WDHD1: variants seen among roughly 807,000 people sequenced by gnomAD.
WDHD1 encodes the protein WD repeat and HMG-box DNA binding protein 1.
In WDHD1, 111 loss-of-function variants were observed where a neutral mutation model predicts 135.4. That is an observed-to-expected ratio of 0.82 (90% CI 0.70 to 0.96). WDHD1 has a LOEUF of 0.96. Among genes scored for constraint, WDHD1 ranks in the 40% least tolerant of loss-of-function variants. The probability of loss-of-function intolerance (pLI) is 0.00; values close to 1 mark genes in which losing one functional copy is unlikely to be tolerated. For synonymous variants in WDHD1, 434 were observed against 439.0 expected (o/e 0.99, Z 0.14); for missense variants, 1,351 against 1,336.3 (o/e 1.01, Z -0.17).
intron 24 of WDHD1, among the ~76,000 whole-genome samples, chr14:54,953,910 A>T (rs2041106632): frequency 6.6e-6 from 1 of 152,136 alleles, no homozygotes; most frequent in Admixed American, 6.6e-5. Context: ...CTCATAGGTG[A>T]GAACTGAACA....
chr14:54,963,367 GT>G (rs1200248011), intron 18 of WDHD1, among the ~76,000 whole-genome samples, 195 bp from the exon 19 acceptor site: 1 of 151,838 alleles, frequency 6.6e-6, no homozygotes, highest in African/African-American at 2.4e-5. Context: ...TGGTGGGTCA[GT>G]TTGGCAGCAT....
In WDHD1 at chr14:55,013,495, C is replaced by G; in HGVS notation, c.179G>C (p.Cys60Ser). ...FINVGEKAYS[C>S]ALKSGKLVTA... ...AACTGTTTTTACTACCTTCAAAGCACATGAATATGCCTTTTCTCCAACATT... is the reference window on the plus strand; with the variant it reads ...AACTGTTTTTACTACCTTCAAAGCAGATGAATATGCCTTTTCTCCAACATT... The change falls in exon 3 of 26, where the codon TGT (cysteine) becomes TCT (serine). Residue 60 changes from cysteine to serine, a missense_variant. Transcript: ENST00000360586. 6.2e-7 allele frequency: 1 copy of G among 1,612,384 alleles called. No individual in the cohort carries two copies. The highest frequency in any genetic ancestry group is 8.5e-7 in the Non-Finnish European group (1 of 1,178,538).
At chr14:54,974,831 A>C (rs1399301074) in intron 16 of WDHD1, among the ~76,000 whole-genome samples, 3 of 152,216 alleles carry the variant, frequency 2.0e-5, no homozygotes, top group Non-Finnish European at 2.9e-5. Context: ...TCTCGAAAAA[A>C]TAAATAAAAA....
chr14:54,943,790 C>T (rs12100725), intron 25 of WDHD1, among the ~76,000 whole-genome samples: 5 of 151,608 alleles, frequency 3.3e-5, no homozygotes, highest in East Asian at 1.9e-4. Context: ...AACAGTAAAC[C>T]GTCAAAAAAT....
At chr14:55,014,603 A>G (rs1365953780) in intron 2 of WDHD1, among the ~76,000 whole-genome samples, 1 of 152,228 alleles carries the variant, frequency 6.6e-6, no homozygotes, top group Non-Finnish European at 1.5e-5. Flanking sequence ...TGTATCTATC[A>G]TAACTTGTTT....
intron 16 of WDHD1, among the ~76,000 whole-genome samples, chr14:54,974,655 G>C (rs1012864987): frequency 7.2e-5 from 11 of 151,902 alleles, no homozygotes; most frequent in Admixed American, 6.6e-4. Flanking sequence ...GCGAAACACT[G>C]TCTCTACTAA....
At chr14:54,988,933 A>C in intron 13 of WDHD1, 95 bp downstream of exon 13, 2 of 1,162,816 alleles carry the variant, frequency 1.7e-6, no homozygotes, top group Admixed American at 4.8e-5. Flanking sequence ...ATTACAAAAA[A>C]TAAATTTTGT....
intron 7 of WDHD1, chr14:55,005,743 C>T (rs1028479127): frequency 3.7e-5 from 16 of 429,370 alleles, no homozygotes; most frequent in South Asian, 3.4e-4. Context: ...CATAAGGATC[C>T]TTCTCTGGGT....
chr14:54,944,660 C>T, intron 24 of WDHD1, 190 bp from the exon 25 acceptor site: 1 of 439,296 alleles, frequency 2.3e-6, no homozygotes, highest in African/African-American at 2.2e-5. Flanking sequence ...CACTCTGTCA[C>T]CCAGCCTGGA....
intron 2 of WDHD1, among the ~76,000 whole-genome samples, chr14:55,023,912 T>C (rs1220859962): frequency 6.6e-6 from 1 of 152,252 alleles, no homozygotes; most frequent in Non-Finnish European, 1.5e-5. Context: ...TTTGAGTGTG[T>C]AAATTTTAGT....
chr14:54,966,455 A>G lies in WDHD1; in HGVS notation c.2310+20T>C, dbSNP rs753280783. Reference sequence around the variant, plus strand: ...AAAAGCATTTAACTTTAACGTTTTCAGTATATTTATTTTACTCACCGCAAG... The same window carrying G: ...AAAAGCATTTAACTTTAACGTTTTCGGTATATTTATTTTACTCACCGCAAG... On this transcript the variant is annotated intron_variant, in intron 18 of 25. Transcript: ENST00000360586. The G allele has an allele frequency of 1.9e-6, 3 of 1,585,116 alleles. No individual in the cohort carries two copies. Among genetic ancestry groups the G allele is most frequent in the Non-Finnish European group, 1.7e-6 (2 of 1,172,376 alleles).
At chr14:54,971,997 G>C (rs2041442137) in intron 16 of WDHD1, among the ~76,000 whole-genome samples, 1 of 152,100 alleles carries the variant, frequency 6.6e-6, no homozygotes. Flanking sequence ...GACCAGCCTG[G>C]GCAACATGGC....
In WDHD1 at chr14:55,005,531, C is replaced by G. The variant is rs1251348409; in HGVS notation, c.600+1749G>C. On this transcript the variant is annotated intron_variant, in intron 7 of 25. Transcript: ENST00000360586. The stretch of plus-strand genomic sequence containing the variant: ...TCCCAGGAGAAGCTTCTCCCAGGTC[C>G]TCTTCAGATTTATGATGTAGATGCC... 2.1e-5 allele frequency: 12 copies of G among 579,278 alleles called. No individual in the cohort carries two copies. The East Asian group carries it at 5.0e-4, about 24-fold the overall frequency. The allele number at this position is 579,278 out of a possible 1,614,324, so 35.9% of individuals were successfully genotyped here.
At chr14:55,023,746 T>C (rs942105857) in intron 2 of WDHD1, among the ~76,000 whole-genome samples, 7 of 152,250 alleles carry the variant, frequency 4.6e-5, no homozygotes, top group African/African-American at 1.7e-4. Flanking sequence ...TTTAAGCAGA[T>C]ACAACACTTA....
At chr14:54,959,639 A>G (rs562452876) in intron 21 of WDHD1, among the ~76,000 whole-genome samples, 21 of 152,280 alleles carry the variant, frequency 1.4e-4, no homozygotes, top group Admixed American at 3.9e-4. Flanking sequence ...ATGGTGATGC[A>G]CAACTGTAGT....
At chr14:55,020,049 T>C (rs2042320190) in intron 2 of WDHD1, among the ~76,000 whole-genome samples, 1 of 152,208 alleles carries the variant, frequency 6.6e-6, no homozygotes, top group Non-Finnish European at 1.5e-5. Flanking sequence ...TGACTCTTAA[T>C]CATTGAGTCT....
At chr14:54,980,484 A>G (rs1414846139) in intron 16 of WDHD1, among the ~76,000 whole-genome samples, 2 of 152,156 alleles carry the variant, frequency 1.3e-5, no homozygotes, top group Non-Finnish European at 2.9e-5. Context: ...AGTACTTCCC[A>G]AACTTTAATG....
intron 8 of WDHD1, 68 bp from the exon 9 acceptor site, chr14:55,001,060 C>A: frequency 8.7e-6 from 9 of 1,030,104 alleles, no homozygotes; most frequent in East Asian, 3.0e-5. Context: ...ATTTTATTAC[C>A]AAATTCAATT....
chr14:55,010,226 G>A, intron 4 of WDHD1, 83 bp downstream of exon 4: 2 of 1,327,750 alleles, frequency 1.5e-6, no homozygotes, highest in Non-Finnish European at 2.0e-6. Context: ...TTAAGTCACG[G>A]TCCTGAAAAC....
Sources: gnomAD v4.1 joint callset for allele counts (sites outside exome capture counted in the v4.1 genomes callset) on GRCh38, gnomAD v4.1.1 for gene constraint, MANE v1.5 for transcripts, NCBI Gene and HGNC (gene_info 2026-07-23, HGNC 2026-07-21) for gene names.